KRT73: variants seen among roughly 807,000 people sequenced by gnomAD.
KRT73 encodes keratin 73.
Under a neutral mutation model 47.2 loss-of-function variants are expected in KRT73, and 44 were observed. The ratio of observed to expected loss-of-function variants is 0.93; its 90% CI spans 0.73 to 1.20. KRT73 has a LOEUF of 1.20. Ranked by LOEUF, KRT73 falls within the 50% of genes most tolerant of loss-of-function variation. KRT73 has a pLI of 0.00. For missense variants in KRT73, 713 were observed against 704.5 expected (o/e 1.01, Z -0.14); for synonymous variants, 285 against 291.3 (o/e 0.98, Z 0.22).
At chr12:52,610,529 G>GCTCCCCCCCCCCC in intron 7 of KRT73, 86 bp downstream of exon 7, 1 of 295,156 alleles carries the variant, frequency 3.4e-6, no homozygotes, top group Non-Finnish European at 6.8e-6. Context: ...CCAGCTCGCC[G>GCTCCCCCCCCCCC]CCCCCTCCCC....
chr12:52,608,113 T>G lies in KRT73; in HGVS notation c.*83A>C. The G allele has an allele frequency of 2.7e-4, 391 of 1,440,284 alleles. No individual in the cohort carries two copies. Among genetic ancestry groups the G allele is most frequent in the Non-Finnish European group, 3.2e-4 (335 of 1,061,492 alleles). The allele number at this position is 1,440,284 out of a possible 1,614,324, so 89.2% of individuals were successfully genotyped here. A position where few individuals can be genotyped will look rare whatever the true frequency, so the allele number is the denominator to read the frequency against. ...AAAGCAAGAAGGAGATGAGGACAAA[T>G]GAGACAGAGGAATTTCCTAGAAGAG... On this transcript the variant is annotated 3_prime_UTR_variant, in exon 9 of 9. Transcript: ENST00000305748.
At chr12:52,616,108 C>A in intron 2 of KRT73, 58 bp downstream of exon 2, 1 of 1,591,830 alleles carries the variant, frequency 6.3e-7, no homozygotes, top group Non-Finnish European at 8.6e-7. Flanking sequence ...CATCCCAGTG[C>A]CTGCTGGGAA....
chr12:52,610,500 G>T, intron 7 of KRT73, 115 bp downstream of exon 7: 1 of 938,698 alleles, frequency 1.1e-6, no homozygotes, highest in South Asian at 1.5e-5. Flanking sequence ...CTATGCTTGT[G>T]GGTGAAGTAA....
the KRT73 span, among the ~76,000 whole-genome samples, chr12:52,629,172 A>G: frequency 6.6e-6 from 1 of 152,224 alleles, no homozygotes; most frequent in East Asian, 1.9e-4. Context: ...AGCAAAAGCC[A>G]GACACAGTGG....
At chr12:52,611,377 G>T in intron 5 of KRT73, 48 bp from the exon 6 acceptor site, 3 of 1,610,964 alleles carry the variant, frequency 1.9e-6, no homozygotes, top group Non-Finnish European at 2.5e-6. Flanking sequence ...GGGCTTGGCT[G>T]GGATCAGCCT....
the KRT73 span, among the ~76,000 whole-genome samples, chr12:52,623,714 G>T: frequency 1.3e-5 from 2 of 151,892 alleles, no homozygotes; most frequent in Non-Finnish European, 2.9e-5. Flanking sequence ...GACGGTAAAG[G>T]AATATAAAGA....
chr12:52,620,109 CTTTTTTTT>C (rs10638831), upstream of KRT73, among the ~76,000 whole-genome samples: 3 of 94,446 alleles, frequency 3.2e-5, no homozygotes, highest in South Asian at 4.0e-4. Flanking sequence ...TCCTTTTTTT[CTTTTTTTT>C]TTTTTTTTTT....
At chr12:52,610,067 T>TGTTG (rs1302948872) in intron 7 of KRT73, 3 of 113,878 alleles carry the variant, frequency 2.6e-5, no homozygotes, top group African/African-American at 1.3e-4. Flanking sequence ...TTTGTCTGTT[T>TGTTG]GTTTGTTTGT....
chr12:52,615,947 A>G (rs2120875919), intron 2 of KRT73, among the ~76,000 whole-genome samples: 1 of 152,282 alleles, frequency 6.6e-6, no homozygotes, highest in African/African-American at 2.4e-5. Flanking sequence ...GGGAGCAGGA[A>G]GGAGCATGCC....
intron 1 of KRT73, among the ~76,000 whole-genome samples, 163 bp downstream of exon 1, chr12:52,617,915 C>T (rs1940843145): frequency 6.6e-6 from 1 of 152,148 alleles, no homozygotes; most frequent in Non-Finnish European, 1.5e-5. Flanking sequence ...GCCTTATGGG[C>T]CCAGCACCTG....
chr12:52,613,968 C>A (rs1940758954), intron 4 of KRT73, 116 bp from the exon 5 acceptor site: 8 of 1,446,988 alleles, frequency 5.5e-6, no homozygotes, highest in Non-Finnish European at 7.4e-6. Context: ...GGAAGCTGCA[C>A]TTCCCAAAGC....
At chr12:52,613,965 G>A in intron 4 of KRT73, 113 bp from the exon 5 acceptor site, 1 of 1,459,234 alleles carries the variant, frequency 6.9e-7, no homozygotes, top group African/African-American at 1.4e-5. Flanking sequence ...GATGGAAGCT[G>A]CACTTCCCAA....
At chr12:52,626,984 T>G in the KRT73 span, among the ~76,000 whole-genome samples, 2 of 152,180 alleles carry the variant, frequency 1.3e-5, no homozygotes, top group Non-Finnish European at 2.9e-5. Flanking sequence ...CTCTGCAAGC[T>G]CCACCAGACT....
At chr12:52,613,633 G>C in intron 5 of KRT73, 55 bp downstream of exon 5, 2 of 1,600,634 alleles carry the variant, frequency 1.2e-6, no homozygotes, top group Admixed American at 1.7e-5. Context: ...AGACAAGACA[G>C]AGTCTGGAGC....
chr12:52,626,540 G>A, the KRT73 span, among the ~76,000 whole-genome samples: 9 of 152,142 alleles, frequency 5.9e-5, no homozygotes, highest in Non-Finnish European at 1.3e-4. Flanking sequence ...ACCACAACTC[G>A]TATCCCTCTG....
Position 52,608,410 on chromosome 12 carries a change from GC to G in KRT73, c.1408del (p.Ala470LeufsTer60). On this transcript the variant is annotated frameshift_variant, in exon 9 of 9. Coordinates refer to ENST00000305748, the MANE Select transcript of KRT73 (RefSeq NM_175068.3). LOFTEE classifies it low-confidence loss of function (END_TRUNC). ...SSMAGMAGTGAGFGFSNAGTY... is the reference protein window; with the variant it reads ...SSMAGMAGTGXGFGFSNAGTY... ...GCCAGCATTGCTGAATCCAAAGCCA[GC>G]CCCTGTGCCTGCCATCCCGGCCATG... 2.5e-6 allele frequency: 4 copies of G among 1,612,168 alleles called. No individual in the cohort carries two copies. Among genetic ancestry groups the G allele is most frequent in the Non-Finnish European group, 3.4e-6 (4 of 1,179,962 alleles).
Position 52,613,815 on chromosome 12 carries a change from G to T in KRT73, c.857C>A (p.Ser286Tyr). ...AQIQSHISDT[S>Y]IILSMDNNRN... ...GTTGTTGTCCATGGACAGGATGATGGACGTGTCGCTGATGTGGGACTGGAT... is the reference window on the plus strand; with the variant it reads ...GTTGTTGTCCATGGACAGGATGATGTACGTGTCGCTGATGTGGGACTGGAT... Residue 286 changes from serine to tyrosine, a missense_variant, in exon 5 of 9, where the codon TCC (serine) becomes TAC (tyrosine). Transcript: ENST00000305748. The T allele has an allele frequency of 6.2e-7, 1 of 1,614,210 alleles. No homozygotes were observed. Among genetic ancestry groups the T allele is most frequent in the Middle Eastern group, 1.6e-4 (1 of 6,062 alleles).
the KRT73 span, among the ~76,000 whole-genome samples, chr12:52,625,467 A>G: frequency 2.0e-5 from 3 of 152,216 alleles, no homozygotes; most frequent in African/African-American, 7.2e-5. Flanking sequence ...TGGCTTAAAT[A>G]AGACTTAGTG....
chr12:52,610,426 A>G (rs1940670750), intron 7 of KRT73, 189 bp downstream of exon 7: 1 of 641,970 alleles, frequency 1.6e-6, no homozygotes, highest in Non-Finnish European at 2.7e-6. Context: ...ACTTTCTCCA[A>G]AGAGTCAAAA....
Sources: gnomAD v4.1 joint callset for allele counts (sites outside exome capture counted in the v4.1 genomes callset) on GRCh38, gnomAD v4.1.1 for gene constraint, MANE v1.5 for transcripts, NCBI Gene and HGNC (gene_info 2026-07-23, HGNC 2026-07-21) for gene names.